Variants in ABITRAM observed in about 807,000 individuals in gnomAD.
ABITRAM encodes the protein protein Abitram.
Under a neutral mutation model 22.9 loss-of-function variants are expected in ABITRAM, and 19 were observed. The ratio of observed to expected loss-of-function variants is 0.83; its 90% CI spans 0.58 to 1.22. The LOEUF is 1.22. Among genes scored for constraint, ABITRAM ranks in the 50% most tolerant of loss-of-function variants. The probability of loss-of-function intolerance (pLI) is 0.00; values close to 1 mark genes in which losing one functional copy is unlikely to be tolerated. For missense variants in ABITRAM, 215 were observed against 220.2 expected (o/e 0.98, Z 0.15); for synonymous variants, 70 against 73.9 (o/e 0.95, Z 0.27).
chr9:108,937,974 A>T (rs1234443104), intron 3 of ABITRAM, among the ~76,000 whole-genome samples: 1 of 148,184 alleles, frequency 6.7e-6, no homozygotes, highest in Non-Finnish European at 1.5e-5. Context: ...TCCAGCCTGG[A>T]TGACAGAACA....
chr9:108,934,560 A>G lies in ABITRAM; in HGVS notation c.74A>G (p.Lys25Arg), dbSNP rs773112097. Residue 25 changes from lysine to arginine, a missense_variant, in exon 1 of 6, where the codon AAA (lysine) becomes AGA (arginine). Lys to Arg is a conservative substitution (Grantham distance 26). Coordinates refer to ENST00000322940, the MANE Select transcript of ABITRAM (RefSeq NM_017832.4). ...LVDRYFTRWY[K>R]PDVKGKFCED... ...GATCGATACTTCACTCGCTGGTACA[A>G]ACCGGGTAAGTGCGGAGTGATGTTG... 6.2e-7 allele frequency: 1 copy of G among 1,604,276 alleles called. No homozygotes were observed. Among genetic ancestry groups the G allele is most frequent in the Non-Finnish European group, 8.5e-7 (1 of 1,176,334 alleles).
chr9:108,942,367 A>G (rs1296745734), downstream of ABITRAM, among the ~76,000 whole-genome samples: 1 of 152,234 alleles, frequency 6.6e-6, no homozygotes, highest in African/African-American at 2.4e-5. Flanking sequence ...AAAACCCTGC[A>G]TTCACCCAGA....
At position 108,939,807 on chromosome 9, in the gene ABITRAM, AG is replaced by A; in HGVS notation, c.*123del. The stretch of plus-strand genomic sequence containing the variant: ...CCTAACAGCCAGCCATATGCAGGGG[AG>A]GCCTAGTGCTTCACTTAGTTTTCCC... On this transcript the variant is annotated 3_prime_UTR_variant, in exon 6 of 6. Coordinates refer to ENST00000322940, the MANE Select transcript of ABITRAM (RefSeq NM_017832.4). 9.5e-6 allele frequency: 11 copies of A among 1,160,580 alleles called. No individual in the cohort carries two copies. The highest frequency in any genetic ancestry group is 1.3e-5 in the Non-Finnish European group (11 of 821,952). 71.9% of individuals were successfully genotyped at this position (1,160,580 alleles called of 1,614,324 possible). A position where few individuals can be genotyped will look rare whatever the true frequency, so the allele number is the denominator to read the frequency against.
chr9:108,943,791 A>G (rs751341151), downstream of ABITRAM: 2 of 1,613,712 alleles, frequency 1.2e-6, no homozygotes, highest in South Asian at 2.2e-5. Context: ...TTCCAGGAGA[A>G]GCATAAGCTT....
downstream of ABITRAM, among the ~76,000 whole-genome samples, chr9:108,945,110 C>T (rs368431032): frequency 2.0e-5 from 3 of 152,318 alleles, no homozygotes; most frequent in Admixed American, 6.5e-5. Flanking sequence ...TTAAAACTAC[C>T]TGAAAGCTGG....
intron 3 of ABITRAM, among the ~76,000 whole-genome samples, chr9:108,936,823 G>A (rs941925492): frequency 9.2e-5 from 14 of 151,492 alleles, no homozygotes; most frequent in African/African-American, 3.2e-4. Context: ...ATTTCCACAT[G>A]TAAATTAAAC....
chr9:108,950,335 T>C (rs984080443), intron 3 of ABITRAM, among the ~76,000 whole-genome samples: 2 of 152,176 alleles, frequency 1.3e-5, no homozygotes, highest in Non-Finnish European at 2.9e-5. Context: ...TCAAAATTCA[T>C]GTTGGGAAGA....
Position 108,939,541 on chromosome 9 carries a change from C to G in ABITRAM, c.409-8C>G. The G allele has an allele frequency of 6.2e-7, 1 of 1,612,854 alleles. No individual in the cohort carries two copies. Among genetic ancestry groups the G allele is most frequent in the Non-Finnish European group, 8.5e-7 (1 of 1,179,688 alleles). On this transcript the variant is annotated splice_polypyrimidine_tract_variant and splice_region_variant and intron_variant, in intron 5 of 5. Transcript: ENST00000322940. ...GTTTGACAGTACTAAATGTTCTTTC[C>G]TTTCCAGCCATCTACTGAAGGCTAC...
In ABITRAM at chr9:108,939,588, T is replaced by C. The variant is rs371917021; in HGVS notation, c.448T>C (p.Phe150Leu). 4 of 1,613,918 alleles carry C rather than the reference T, an allele frequency of 2.5e-6. No individual in the cohort carries two copies. Among genetic ancestry groups the C allele is most frequent in the East Asian group, 2.2e-5 (1 of 44,888 alleles). Residue 150 changes from phenylalanine to leucine, a missense_variant, in exon 6 of 6, where the codon TTT (phenylalanine) becomes CTT (leucine). By Grantham distance (22) the Phe-to-Leu change is conservative (BLOSUM62 0). Transcript: ENST00000322940. ...EGYIAVVLPKFEESKSITEGL... is the reference protein window; with the variant it reads ...EGYIAVVLPKLEESKSITEGL... ...CTACATTGCAGTTGTGTTACCCAAA[T>C]TTGAAGAAAGTAAAAGCATAACAGA...
chr9:108,942,663 T>A (rs1830275035), downstream of ABITRAM: 1 of 828,700 alleles, frequency 1.2e-6, no homozygotes, highest in South Asian at 1.7e-5. Flanking sequence ...TCAATATTGT[T>A]TTCTTTATAA....
At chr9:108,937,080 A>C (rs1433543417) in intron 3 of ABITRAM, among the ~76,000 whole-genome samples, 2 of 152,182 alleles carry the variant, frequency 1.3e-5, no homozygotes, top group African/African-American at 4.8e-5. Context: ...GAATGGCTTG[A>C]ACCTGGGAGG....
At chr9:108,942,897 T>A (rs1830284732), downstream of ABITRAM, 3 of 1,608,322 alleles carry the variant, frequency 1.9e-6, no homozygotes, top group South Asian at 2.2e-5. Context: ...CAAAATTAAG[T>A]AGTAACTATT....
intron 3 of ABITRAM, among the ~76,000 whole-genome samples, chr9:108,938,569 A>G (rs929575516): frequency 1.3e-5 from 2 of 151,650 alleles, no homozygotes; most frequent in Non-Finnish European, 2.9e-5. Context: ...TCATGGGTCA[A>G]TTATTTTTAT....
chr9:108,940,992 C>T (rs1349246431), downstream of ABITRAM: 1 of 152,128 alleles, frequency 6.6e-6, no homozygotes, highest in East Asian at 1.9e-4. Flanking sequence ...GGTTATCTAT[C>T]CTCTTATGCT....
chr9:108,943,624 C>T, downstream of ABITRAM: 1 of 1,210,548 alleles, frequency 8.3e-7, no homozygotes, highest in Non-Finnish European at 1.1e-6. Context: ...TCTGTGGGTA[C>T]TAACAGTTTA....
At chr9:108,943,004 A>T, downstream of ABITRAM, 1 of 1,612,928 alleles carries the variant, frequency 6.2e-7, no homozygotes, top group Middle Eastern at 1.7e-4. Context: ...TTGGACTAAG[A>T]GAGCCATCAT....
In ABITRAM at chr9:108,940,037, C is replaced by T. The variant is rs1456661361; in HGVS notation, c.*351C>T. The stretch of plus-strand genomic sequence containing the variant: ...AAGTAGCCAAGTAAAAATAATTTAC[C>T]CATCATCCCATAATCCAGAAGTAAA... On this transcript the variant is annotated 3_prime_UTR_variant, in exon 6 of 6. Coordinates refer to ENST00000322940, the MANE Select transcript of ABITRAM (RefSeq NM_017832.4). The T allele has an allele frequency of 1.0e-5, 2 of 198,198 alleles. No homozygotes were observed. Among genetic ancestry groups the T allele is most frequent in the Non-Finnish European group, 2.0e-5 (2 of 97,842 alleles). The allele number at this position is 198,198 out of a possible 1,614,324, so 12.3% of individuals were successfully genotyped here.
chr9:108,936,250 T>A, intron 2 of ABITRAM, 58 bp from the exon 3 acceptor site: 1 of 1,576,166 alleles, frequency 6.3e-7, no homozygotes, highest in Non-Finnish European at 8.6e-7. Context: ...CCAATAGGAG[T>A]TATGGGAGGA....
chr9:108,942,819 T>C, downstream of ABITRAM: 1 of 1,613,838 alleles, frequency 6.2e-7, no homozygotes, highest in Non-Finnish European at 8.5e-7. Context: ...ACCCATCCGT[T>C]ATTTTCCATC....
Sources: gnomAD v4.1 joint callset for allele counts (sites outside exome capture counted in the v4.1 genomes callset) on GRCh38, gnomAD v4.1.1 for gene constraint, MANE v1.5 for transcripts, NCBI Gene and HGNC (gene_info 2026-07-23, HGNC 2026-07-21) for gene names.